The following SPEN variants were observed in gnomAD, a reference collection of about 807,000 sequenced individuals.
SPEN encodes msx2-interacting protein.
Under a neutral mutation model 269.9 loss-of-function variants are expected in SPEN, and 18 were observed. That is an observed-to-expected ratio of 0.07 (90% CI 0.05 to 0.10). SPEN has a LOEUF of 0.10. SPEN is among the 10% of genes least tolerant of loss of function. The pLI is 1.00. For missense variants in SPEN, 3,822 were observed against 4,631.2 expected (o/e 0.83, Z 5.07); for synonymous variants, 1,726 against 1,765.7 (o/e 0.98, Z 0.56).
In SPEN at chr1:15,939,448, T is replaced by C. The variant is rs1359575740; in HGVS notation, c.*21T>C. 2 of 1,558,592 alleles carry C rather than the reference T, an allele frequency of 1.3e-6. No homozygotes were observed. Among genetic ancestry groups the C allele is most frequent in the Non-Finnish European group, 8.7e-7 (1 of 1,152,124 alleles). ...TGTGAGCCACTGAGTGGTTATCACC[T>C]CAGTGAATCTTCCCAGGGCTCTGCA... On this transcript the variant is annotated 3_prime_UTR_variant, in exon 15 of 15. Coordinates refer to ENST00000375759, the MANE Select transcript of SPEN (RefSeq NM_015001.3). The surrounding 1 kb of genome is among the most constrained non-coding windows in gnomAD (Gnocchi z 4.1).
rs759230537 is a variant in SPEN, at chr1:15,932,903, C to T, written c.6663C>T (p.Ser2221=). 2.4e-5 allele frequency: 39 copies of T among 1,614,136 alleles called. No individual in the cohort carries two copies. Among genetic ancestry groups the T allele is most frequent in the Non-Finnish European group, 3.3e-5 (39 of 1,180,034 alleles). ...SETELAAAIG[S]IINDISGEPE... ...CAGAGCTGGCTGCGGCCATCGGCTC[C>T]ATCATCAATGACATTTCTGGGGAGC... Residue 2221 remains serine (S), a synonymous_variant, in exon 11 of 15, where the codon TCC becomes TCT. Coordinates refer to ENST00000375759, the MANE Select transcript of SPEN (RefSeq NM_015001.3). The surrounding 1 kb of genome is among the most constrained non-coding windows in gnomAD (Gnocchi z 4.2).
intron 3 of SPEN, among the ~76,000 whole-genome samples, chr1:15,888,377 G>A (rs1430455348): frequency 6.6e-6 from 1 of 151,518 alleles, no homozygotes; most frequent in Non-Finnish European, 1.5e-5. Flanking sequence ...AGGCGGAAGT[G>A]CAGTAGCATG....
chr1:15,859,243 A>G (rs937559565), intron 1 of SPEN, among the ~76,000 whole-genome samples: 6 of 150,608 alleles, frequency 4.0e-5, no homozygotes, highest in Middle Eastern at 3.4e-3. Context: ...GCAGCCTCCA[A>G]CTTTTGGCTT....
At chr1:15,917,376 G>C (rs1209444883) in intron 6 of SPEN, among the ~76,000 whole-genome samples, 1 of 152,066 alleles carries the variant, frequency 6.6e-6, no homozygotes, top group Non-Finnish European at 1.5e-5. Flanking sequence ...TCACAGCTTT[G>C]TAATCTTGGG....
At position 15,933,567 on chromosome 1, in the gene SPEN, G is replaced by A; in HGVS notation, c.7327G>A (p.Glu2443Lys). Residue 2443 changes from glutamate (E) to lysine (K), a missense_variant, in exon 11 of 15, where the codon GAG becomes AAG. Physicochemically the swap from Glu to Lys is moderately conservative, Grantham distance 56. Transcript: ENST00000375759. The surrounding 1 kb of genome is among the most constrained non-coding windows in gnomAD (Gnocchi z 5.7). ...PPPQPAPVDE[E>K]PQARFRVHSI... Reference sequence around the variant, plus strand: ...TCCCCAGCCAGCACCGGTGGATGAGGAGCCTCAAGCCAGGTTCAGGGTGCA... The same window carrying A: ...TCCCCAGCCAGCACCGGTGGATGAGAAGCCTCAAGCCAGGTTCAGGGTGCA... The A allele has an allele frequency of 6.2e-7, 1 of 1,614,050 alleles. No individual in the cohort carries two copies.
chr1:15,879,900 G>A (rs887354501), intron 3 of SPEN, among the ~76,000 whole-genome samples: 3 of 152,060 alleles, frequency 2.0e-5, no homozygotes, highest in African/African-American at 7.2e-5. Context: ...TTGATCTCCT[G>A]ACCTCGCCAT....
intron 1 of SPEN, among the ~76,000 whole-genome samples, chr1:15,862,818 G>C (rs1247360687): frequency 6.6e-6 from 1 of 151,452 alleles, no homozygotes. Flanking sequence ...CTAGAGTGCA[G>C]TGATGCAATC....
Position 15,930,477 on chromosome 1 carries a change from G to A in SPEN, c.4237G>A (p.Asp1413Asn). Residue 1413 changes from aspartate to asparagine, a missense_variant, in exon 11 of 15, where the codon GAC becomes AAC. By Grantham distance (23) the Asp-to-Asn change is conservative (BLOSUM62 1). Coordinates refer to ENST00000375759, the MANE Select transcript of SPEN (RefSeq NM_015001.3). This position sits in a 1 kb window ranked among gnomAD's most constrained non-coding sequence, Gnocchi z 5.3. ...GTCTTTTTTATTGAGGGACAGAGAAGACAAGCTACGTGAGCGAGATGAAAG... is the reference window on the plus strand; with the variant it reads ...GTCTTTTTTATTGAGGGACAGAGAAAACAAGCTACGTGAGCGAGATGAAAG... ...RLSFLLRDRE[D>N]KLRERDERLS... The A allele has an allele frequency of 6.2e-7, 1 of 1,614,216 alleles. No homozygotes were observed.
chr1:15,860,378 GGTGTGTGTGTGTGTGTGTGTGTGTGT>G (rs60005872), intron 1 of SPEN, among the ~76,000 whole-genome samples: 3 of 121,162 alleles, frequency 2.5e-5, no homozygotes, highest in Admixed American at 8.9e-5. Flanking sequence ...TAGCTTCAGA[GGTGTGTGTGTGTGTGTGTGTGTGTGT>G]GTGTGTGTGT....
At position 15,934,154 on chromosome 1, in the gene SPEN, C is replaced by T. The variant is rs2148742340; in HGVS notation, c.7914C>T (p.Thr2638=). ...SIDLENSQKI[T]LAKPAPQTLT... is the part of the protein sequence containing the mutation. ...ACCTGGAAAATTCACAGAAGATAACCTTGGCAAAACCAGCTCCTCAAACCC... is the reference window on the plus strand; with the variant it reads ...ACCTGGAAAATTCACAGAAGATAACTTTGGCAAAACCAGCTCCTCAAACCC... Residue 2638 remains threonine (T), a synonymous_variant, in exon 11 of 15, where the codon ACC becomes ACT. Transcript: ENST00000375759. This position sits in a 1 kb window ranked among gnomAD's most constrained non-coding sequence, Gnocchi z 9.2. The T allele has an allele frequency of 6.2e-7, 1 of 1,614,206 alleles. No individual in the cohort carries two copies. The highest frequency in any genetic ancestry group is 1.7e-5 in the Admixed American group (1 of 60,022).
At position 15,935,876 on chromosome 1, in the gene SPEN, C is replaced by A. The variant is rs529455439; in HGVS notation, c.9636C>A (p.Ala3212=). 6.2e-7 allele frequency: 1 copy of A among 1,613,476 alleles called. No individual in the cohort carries two copies. ...HVTAVSEQPR[A]ADGVVKVPPA... Reference sequence around the variant, plus strand: ...CGGCAGTCAGCGAGCAGCCCAGGGCCGCGGATGGGGTGGTGAAGGTGCCAC... The same window carrying A: ...CGGCAGTCAGCGAGCAGCCCAGGGCAGCGGATGGGGTGGTGAAGGTGCCAC... The change falls in exon 11 of 15, where the codon GCC becomes GCA. Residue 3212 remains alanine, a synonymous_variant. Coordinates refer to ENST00000375759, the MANE Select transcript of SPEN (RefSeq NM_015001.3). This position sits in a 1 kb window ranked among gnomAD's most constrained non-coding sequence, Gnocchi z 7.7.
intron 1 of SPEN, among the ~76,000 whole-genome samples, chr1:15,867,516 C>T (rs1253010251): frequency 2.0e-5 from 3 of 152,054 alleles, no homozygotes; most frequent in Non-Finnish European, 4.4e-5. Flanking sequence ...GTTTTTTATC[C>T]ATTCATCAGT....
chr1:15,904,918 C>T (rs1326397340), intron 3 of SPEN, among the ~76,000 whole-genome samples: 6 of 143,434 alleles, frequency 4.2e-5, no homozygotes, highest in Non-Finnish European at 7.6e-5. Flanking sequence ...GACGGAGTTT[C>T]GCCCTTATTG....
intron 1 of SPEN, among the ~76,000 whole-genome samples, chr1:15,863,580 C>T (rs1330003916): frequency 6.6e-6 from 1 of 152,156 alleles, no homozygotes; most frequent in Non-Finnish European, 1.5e-5. Flanking sequence ...GTGGCTCATA[C>T]CTGTAATCCC....
At position 15,933,621 on chromosome 1, in the gene SPEN, C is replaced by T; in HGVS notation, c.7381C>T (p.Pro2461Ser). The T allele has an allele frequency of 6.2e-7, 1 of 1,614,068 alleles. No individual in the cohort carries two copies. The highest frequency in any genetic ancestry group is 1.6e-4 in the Middle Eastern group (1 of 6,062). Residue 2461 changes from proline (P) to serine (S), a missense_variant, in exon 11 of 15, where the codon CCA becomes TCA. By Grantham distance (74) the Pro-to-Ser change is moderately conservative. Around this residue, in one of 16 missense-constraint regions of SPEN, gnomAD observed 727 missense variants for 737.9 expected, o/e 0.99. Coordinates refer to ENST00000375759, the MANE Select transcript of SPEN (RefSeq NM_015001.3). The surrounding 1 kb of genome is among the most constrained non-coding windows in gnomAD (Gnocchi z 5.7). Reference protein sequence around the residue: ...HSIIESDPVTPPSDPSIPIPT... With the variant: ...HSIIESDPVTSPSDPSIPIPT... ...CATCATTGAAAGTGACCCGGTGACC[C>T]CACCCAGCGATCCAAGCATCCCCAT...
intron 3 of SPEN, among the ~76,000 whole-genome samples, chr1:15,883,026 A>C (rs1465913771): frequency 6.6e-6 from 1 of 152,238 alleles, no homozygotes; most frequent in East Asian, 1.9e-4. Flanking sequence ...AATGGGTGAC[A>C]GGGTCACTGC....
At chr1:15,855,481 C>A (rs756847474) in intron 1 of SPEN, among the ~76,000 whole-genome samples, 1 of 151,986 alleles carries the variant, frequency 6.6e-6, no homozygotes, top group African/African-American at 2.4e-5. Context: ...GTTTACAAAA[C>A]TATATTTAAC....
At position 15,939,224 on chromosome 1, in the gene SPEN, G is replaced by A; in HGVS notation, c.10864-72G>A. ...GGCTCTTAGCATTGGGCCTCTTCAG[G>A]GCTCCCCAATGGAAGTGGAGTTGTG... is the stretch of plus-strand genomic sequence containing the variant. On this transcript the variant is annotated intron_variant, in intron 14 of 14. Coordinates refer to ENST00000375759, the MANE Select transcript of SPEN (RefSeq NM_015001.3). The surrounding 1 kb of genome is among the most constrained non-coding windows in gnomAD (Gnocchi z 4.1). The A allele has an allele frequency of 2.7e-6, 4 of 1,487,682 alleles. No individual in the cohort carries two copies. Among genetic ancestry groups the A allele is most frequent in the Non-Finnish European group, 3.6e-6 (4 of 1,115,698 alleles). 92.2% of individuals were successfully genotyped at this position (1,487,682 alleles called of 1,614,324 possible).
chr1:15,862,280 A>G (rs948282058), intron 1 of SPEN, among the ~76,000 whole-genome samples: 1 of 152,182 alleles, frequency 6.6e-6, no homozygotes, highest in South Asian at 2.1e-4. Flanking sequence ...GGTTATTAGC[A>G]GTTCTATTTA....
Sources: gnomAD v4.1 joint callset for allele counts (sites outside exome capture counted in the v4.1 genomes callset) on GRCh38, gnomAD v4.1.1 for gene constraint, gnomAD v4.1.1 regional missense constraint, Gnocchi (gnomAD v3.1) non-coding constraint, MANE v1.5 for transcripts, NCBI Gene and HGNC (gene_info 2026-07-23, HGNC 2026-07-21) for gene names.